The following SYN3 variants were observed in gnomAD, a reference collection of about 807,000 sequenced individuals.
SYN3 encodes the protein synapsin III.
Under a neutral mutation model 65.8 loss-of-function variants are expected in SYN3, and 35 were observed. The observed-to-expected ratio is 0.53, with a 90% CI of 0.41 to 0.70. SYN3 has a LOEUF of 0.70. Among genes scored for constraint, SYN3 ranks in the 30% least tolerant of loss-of-function variants. The pLI, the probability that SYN3 is intolerant of heterozygous loss-of-function variation, is 0.00. For missense variants in SYN3, 680 were observed against 749.0 expected (o/e 0.91, Z 1.08); for synonymous variants, 270 against 292.9 (o/e 0.92, Z 0.80).
chr22:32,695,507 C>T (rs1241574808), intron 6 of SYN3, among the ~76,000 whole-genome samples: 1 of 152,192 alleles, frequency 6.6e-6, no homozygotes, highest in East Asian at 1.9e-4. Context: ...ATGCTCTTCC[C>T]TGGGGACACA....
intron 6 of SYN3, among the ~76,000 whole-genome samples, chr22:32,669,420 C>T (rs2060331765): frequency 6.6e-6 from 1 of 152,186 alleles, no homozygotes; most frequent in South Asian, 2.1e-4. Context: ...GTCCCAACCT[C>T]CAAGTGAGGC....
chr22:32,808,254 T>TA (rs749896861), intron 6 of SYN3, among the ~76,000 whole-genome samples: 34 of 152,240 alleles, frequency 2.2e-4, no homozygotes, highest in Non-Finnish European at 8.8e-5. Flanking sequence ...TGAACACACA[T>TA]ACACAGGGTT....
At chr22:32,768,105 A>G (rs2045675333) in intron 6 of SYN3, among the ~76,000 whole-genome samples, 1 of 152,146 alleles carries the variant, frequency 6.6e-6, no homozygotes, top group South Asian at 2.1e-4. Context: ...TTATTTGCAC[A>G]TAGCTCTGTT....
chr22:32,903,871 G>A (rs1195927375), intron 4 of SYN3, among the ~76,000 whole-genome samples: 1 of 152,244 alleles, frequency 6.6e-6, no homozygotes, highest in African/African-American at 2.4e-5. Flanking sequence ...TCAGGAGGCT[G>A]GTGGGAAGAC....
At chr22:32,691,285 T>C (rs1221118779) in intron 6 of SYN3, among the ~76,000 whole-genome samples, 1 of 152,098 alleles carries the variant, frequency 6.6e-6, no homozygotes, top group Non-Finnish European at 1.5e-5. Flanking sequence ...CTTGTCATAT[T>C]GGCCAACAGG....
intron 6 of SYN3, among the ~76,000 whole-genome samples, chr22:32,680,815 T>C (rs2147111200): frequency 6.6e-6 from 1 of 152,344 alleles, no homozygotes; most frequent in African/African-American, 2.4e-5. Flanking sequence ...AACTTAGTTT[T>C]TCCTCTCTCT....
chr22:32,999,941 A>G (rs1229892865), intron 2 of SYN3, among the ~76,000 whole-genome samples: 1 of 152,186 alleles, frequency 6.6e-6, no homozygotes, highest in Non-Finnish European at 1.5e-5. Context: ...TGAACTCAAG[A>G]TGGGAGGTTT....
intron 6 of SYN3, among the ~76,000 whole-genome samples, chr22:32,814,313 G>GAGAC (rs2047015826): frequency 2.5e-5 from 1 of 39,676 alleles, no homozygotes; most frequent in Non-Finnish European, 4.7e-5. Flanking sequence ...GAGAGAGAGA[G>GAGAC]AGACAGAAAG....
intron 1 of SYN3, among the ~76,000 whole-genome samples, chr22:33,033,480 A>G (rs955755630): frequency 6.6e-6 from 1 of 151,782 alleles, no homozygotes; most frequent in African/African-American, 2.4e-5. Context: ...ACCCTTAACT[A>G]CGCACTTCTT....
chr22:32,552,699 G>A (rs2058435396), intron 7 of SYN3, among the ~76,000 whole-genome samples: 1 of 152,104 alleles, frequency 6.6e-6, no homozygotes, highest in Non-Finnish European at 1.5e-5. Flanking sequence ...AAAAGCACGA[G>A]GTGCCTAAGA....
At chr22:32,853,915 T>C (rs1018864993) in intron 6 of SYN3, among the ~76,000 whole-genome samples, 3 of 152,204 alleles carry the variant, frequency 2.0e-5, no homozygotes, top group African/African-American at 4.8e-5. Context: ...GCAGAGAAGA[T>C]TGAAGATTCA....
chr22:32,924,576 G>A (rs2146655749), intron 4 of SYN3, among the ~76,000 whole-genome samples: 1 of 152,284 alleles, frequency 6.6e-6, no homozygotes, highest in South Asian at 2.1e-4. Flanking sequence ...TCATCTGGGA[G>A]CTCAAAGAAA....
chr22:33,000,681 T>A (rs1028583613), intron 2 of SYN3, among the ~76,000 whole-genome samples: 2 of 152,192 alleles, frequency 1.3e-5, no homozygotes, highest in Non-Finnish European at 2.9e-5. Context: ...GTTCACTGTC[T>A]GTCCAGACTG....
chr22:32,925,054 T>G (rs745530171), intron 4 of SYN3, among the ~76,000 whole-genome samples: 1 of 152,044 alleles, frequency 6.6e-6, no homozygotes. Context: ...ATCGCATCAC[T>G]GTACCCCAGC....
At chr22:32,964,229 A>G (rs1017854092) in intron 3 of SYN3, among the ~76,000 whole-genome samples, 8 of 141,598 alleles carry the variant, frequency 5.6e-5, no homozygotes, top group African/African-American at 2.1e-4. Flanking sequence ...GAATTGAACA[A>G]TGAGAACACA....
intron 2 of SYN3, among the ~76,000 whole-genome samples, chr22:32,985,658 T>C (rs549414883): frequency 1.3e-5 from 2 of 151,964 alleles, no homozygotes; most frequent in Non-Finnish European, 2.9e-5. Context: ...CTTTCAGACT[T>C]TTTGGATCCA....
intron 7 of SYN3, among the ~76,000 whole-genome samples, chr22:32,547,820 A>C (rs1451492014): frequency 6.6e-6 from 1 of 152,220 alleles, no homozygotes; most frequent in East Asian, 1.9e-4. Flanking sequence ...ATTTGCTTGA[A>C]TATCTCCAAT....
chr22:33,035,599 G>A (rs975553453), intron 1 of SYN3, among the ~76,000 whole-genome samples: 2 of 152,110 alleles, frequency 1.3e-5, no homozygotes. Context: ...TTTTATTTGA[G>A]ACACGGTCTT....
chr22:32,868,955 C>A lies in SYN3; in HGVS notation c.621+11G>T. On this transcript the variant is annotated intron_variant, in intron 5 of 13. Coordinates refer to ENST00000358763, the MANE Select transcript of SYN3 (RefSeq NM_003490.4). ...CCAGATCCCTCCAGGTCAGCCTGCCCTGTCACCTACCACCCAGGGCTTGCT... is the reference window on the plus strand; with the variant it reads ...CCAGATCCCTCCAGGTCAGCCTGCCATGTCACCTACCACCCAGGGCTTGCT... The A allele has an allele frequency of 6.2e-7, 1 of 1,612,648 alleles. No homozygotes were observed. Among genetic ancestry groups the A allele is most frequent in the Non-Finnish European group, 8.5e-7 (1 of 1,179,174 alleles).
Sources: gnomAD v4.1 joint callset for allele counts (sites outside exome capture counted in the v4.1 genomes callset) on GRCh38, gnomAD v4.1.1 for gene constraint, MANE v1.5 for transcripts, NCBI Gene and HGNC (gene_info 2026-07-23, HGNC 2026-07-21) for gene names.